The following ADSS2 variants were observed in gnomAD, a reference collection of about 807,000 sequenced individuals.
ADSS2 encodes the protein adenylosuccinate synthetase isozyme 2.
A neutral mutation model predicts 60.0 loss-of-function variants in ADSS2; 30 were observed. The ratio of observed to expected loss-of-function variants is 0.50; its 90% CI spans 0.37 to 0.68. The LOEUF is 0.68. Among genes scored for constraint, ADSS2 ranks in the 30% least tolerant of loss-of-function variants. The pLI is 0.00. For synonymous variants in ADSS2, 187 were observed against 193.1 expected, an observed-to-expected ratio of 0.97 and a Z score of 0.26; for missense variants, 373 against 554.8, an observed-to-expected ratio of 0.67 and a Z score of 3.29.
At chr1:244,410,503 T>A (rs543903273) in intron 12 of ADSS2, among the ~76,000 whole-genome samples, 11 of 56,176 alleles carry the variant, frequency 2.0e-4, no homozygotes, top group African/African-American at 6.7e-4. Flanking sequence ...TTTTTAAAAA[T>A]TTTTTCTTAC....
At chr1:244,432,335 T>G (rs1239392570) in intron 4 of ADSS2, among the ~76,000 whole-genome samples, 1 of 152,218 alleles carries the variant, frequency 6.6e-6, no homozygotes, top group Non-Finnish European at 1.5e-5. Flanking sequence ...TTTGCTTAGC[T>G]AACCTTTTTT....
chr1:244,450,588 A>T (rs1341358377), intron 1 of ADSS2, among the ~76,000 whole-genome samples: 2 of 152,236 alleles, frequency 1.3e-5, no homozygotes, highest in Non-Finnish European at 2.9e-5. Flanking sequence ...GTTCAAAAAC[A>T]AATATTCTTG....
chr1:244,411,525 C>T, intron 11 of ADSS2, 89 bp from the exon 12 acceptor site: 1 of 1,361,928 alleles, frequency 7.3e-7, no homozygotes, highest in African/African-American at 1.5e-5. Flanking sequence ...AATGTCTTTT[C>T]AAAATCTTTG....
At chr1:244,418,019 GA>G (rs1295028925) in intron 9 of ADSS2, among the ~76,000 whole-genome samples, 4 of 151,700 alleles carry the variant, frequency 2.6e-5, no homozygotes, top group African/African-American at 4.8e-5. Context: ...GACAGATTAA[GA>G]AAAAAAAGTA....
At chr1:244,413,709 C>A (rs1456593023) in intron 11 of ADSS2, among the ~76,000 whole-genome samples, 1 of 152,114 alleles carries the variant, frequency 6.6e-6, no homozygotes, top group Admixed American at 6.5e-5. Context: ...AGAGCAGGAC[C>A]ATCAGAGGCT....
At position 244,451,225 on chromosome 1, in the gene ADSS2, G is replaced by T. The variant is rs6677185; in HGVS notation, c.183+410C>A. ...GGCGGTGATGGGGGGTTCTGCCGTC[G>T]CGCCGGGTCTCCGCCCGCAGTCGGA... On this transcript the variant is annotated intron_variant, in intron 1 of 12. Coordinates refer to ENST00000366535, the MANE Select transcript of ADSS2 (RefSeq NM_001126.5). The surrounding 1 kb of genome is among the most constrained non-coding windows in gnomAD (Gnocchi z 6.6). 0.033 allele frequency among the ~76,000 whole-genome samples: 5,018 copies of T among 152,216 alleles called. 290 individuals are homozygous for T. Among genetic ancestry groups the T allele is most frequent in the African/African-American group, 0.11 (4,698 of 41,528 alleles).
chr1:244,417,302 G>A (rs1474572270), intron 10 of ADSS2, among the ~76,000 whole-genome samples: 1 of 152,080 alleles, frequency 6.6e-6, no homozygotes, highest in East Asian at 1.9e-4. Context: ...TAGGTACATC[G>A]CCTCCCGGCT....
intron 1 of ADSS2, among the ~76,000 whole-genome samples, chr1:244,443,131 A>C (rs1182953322): frequency 6.6e-6 from 1 of 152,206 alleles, no homozygotes; most frequent in Non-Finnish European, 1.5e-5. Context: ...TGGGGAGGCC[A>C]GATAGTACCA....
intron 4 of ADSS2, among the ~76,000 whole-genome samples, chr1:244,430,416 G>A (rs781068846): frequency 7.2e-5 from 11 of 152,156 alleles, no homozygotes; most frequent in African/African-American, 2.4e-4. Context: ...TATCATCAGC[G>A]TATATTTATA....
intron 1 of ADSS2, among the ~76,000 whole-genome samples, chr1:244,439,654 C>T (rs3003215): frequency 0.85 from 128,904 of 152,166 alleles, 55,043 homozygotes; most frequent in African/African-American, 0.94. Flanking sequence ...CTACCTTGGC[C>T]GGTGTCTCAC....
intron 7 of ADSS2, among the ~76,000 whole-genome samples, chr1:244,421,997 T>G (rs1400654439): frequency 6.6e-6 from 1 of 152,206 alleles, no homozygotes; most frequent in Non-Finnish European, 1.5e-5. Context: ...AAATAAAATA[T>G]TTATTGCATA....
At position 244,418,752 on chromosome 1, in the gene ADSS2, A is replaced by T. The variant is rs573247592; in HGVS notation, c.945+8T>A. ...TACATTTTGATTATTTACTTAGAAT[A>T]GGCTTACATTGTCTTGCTCTGTAGG... On this transcript the variant is annotated splice_region_variant and intron_variant, in intron 9 of 12. Transcript: ENST00000366535. 1.4e-4 allele frequency: 226 copies of T among 1,580,822 alleles called. No individual in the cohort carries two copies. The Middle Eastern group carries it at 2.9e-3, about 20-fold the overall frequency.
At chr1:244,445,808 G>A (rs1239294592) in intron 1 of ADSS2, among the ~76,000 whole-genome samples, 1 of 152,208 alleles carries the variant, frequency 6.6e-6, no homozygotes, top group Non-Finnish European at 1.5e-5. Context: ...GATGAAGGCA[G>A]TGAATGATCC....
chr1:244,443,378 T>C (rs1185163300), intron 1 of ADSS2, among the ~76,000 whole-genome samples: 3 of 152,232 alleles, frequency 2.0e-5, no homozygotes, highest in African/African-American at 7.2e-5. Flanking sequence ...TTCATTATCA[T>C]AGCTGTATAT....
chr1:244,438,078 T>G, intron 1 of ADSS2, among the ~76,000 whole-genome samples: 1 of 152,158 alleles, frequency 6.6e-6, no homozygotes, highest in East Asian at 1.9e-4. Flanking sequence ...GCAATTAGTC[T>G]GTCTTTGGCT....
intron 11 of ADSS2, 54 bp from the exon 12 acceptor site, chr1:244,411,490 A>G: frequency 6.6e-7 from 1 of 1,526,704 alleles, no homozygotes; most frequent in Non-Finnish European, 8.8e-7. Context: ...CTGTCAAACA[A>G]CTTTTTGATA....
At chr1:244,439,785 T>G (rs1387283470) in intron 1 of ADSS2, among the ~76,000 whole-genome samples, 2 of 149,816 alleles carry the variant, frequency 1.3e-5, no homozygotes, top group Non-Finnish European at 2.9e-5. Context: ...CCCAGAGCAC[T>G]TTAGCCTGTG....
chr1:244,434,512 T>A (rs1458747346), intron 3 of ADSS2, among the ~76,000 whole-genome samples: 2 of 152,212 alleles, frequency 1.3e-5, no homozygotes, highest in Non-Finnish European at 2.9e-5. Context: ...TTAAAATATA[T>A]TCCTTATAGA....
At chr1:244,424,433 A>G (rs946904362) in intron 4 of ADSS2, 46 bp from the exon 5 acceptor site, 1 of 1,507,462 alleles carries the variant, frequency 6.6e-7, no homozygotes, top group Non-Finnish European at 9.2e-7. Context: ...GATAATACAC[A>G]AAAGCAAAAT....
Sources: gnomAD v4.1 joint callset for allele counts (sites outside exome capture counted in the v4.1 genomes callset) on GRCh38, gnomAD v4.1.1 for gene constraint, Gnocchi (gnomAD v3.1) non-coding constraint, MANE v1.5 for transcripts, NCBI Gene and HGNC (gene_info 2026-07-23, HGNC 2026-07-21) for gene names.